PPP2R2B: variants seen among roughly 807,000 people sequenced by gnomAD.
PPP2R2B encodes the protein protein phosphatase 2 regulatory subunit Bbeta, also known as serine/threonine-protein phosphatase 2A 55 kDa regulatory subunit B beta isoform.
A neutral mutation model predicts 46.0 loss-of-function variants in PPP2R2B; 5 were observed. That is an observed-to-expected ratio of 0.11 (90% confidence interval 0.06 to 0.23). PPP2R2B has a LOEUF of 0.23. PPP2R2B is among the 10% of genes least tolerant of loss of function. The pLI is 1.00. For synonymous variants in PPP2R2B, 215 were observed against 206.7 expected, an observed-to-expected ratio of 1.04 and a Z score of -0.34; for missense variants, 367 against 575.0, an observed-to-expected ratio of 0.64 and a Z score of 3.70.
intron 7 of PPP2R2B, among the ~76,000 whole-genome samples, chr5:146,635,646 G>A (rs1317427503): frequency 6.6e-6 from 1 of 152,220 alleles, no homozygotes; most frequent in Non-Finnish European, 1.5e-5. Context: ...ACTCACTAGA[G>A]AGGCCCTGCC....
At chr5:146,802,823 C>G (rs186429651) in intron 2 of PPP2R2B, among the ~76,000 whole-genome samples, 2 of 152,208 alleles carry the variant, frequency 1.3e-5, no homozygotes, top group African/African-American at 4.8e-5. Context: ...AACTTGTGCC[C>G]CAAGGCTCAG....
intron 2 of PPP2R2B, among the ~76,000 whole-genome samples, chr5:146,739,720 C>T (rs1752752440): frequency 6.6e-6 from 1 of 152,220 alleles, no homozygotes; most frequent in South Asian, 2.1e-4. Flanking sequence ...GTACTTCTCA[C>T]ATTCCATGAT....
At chr5:147,053,964 G>A (rs924148414) in intron 1 of PPP2R2B, among the ~76,000 whole-genome samples, 1 of 152,144 alleles carries the variant, frequency 6.6e-6, no homozygotes, top group Admixed American at 6.5e-5. Flanking sequence ...CTTACCCATT[G>A]TCTTTATTAG....
intron 5 of PPP2R2B, among the ~76,000 whole-genome samples, chr5:146,663,566 A>AT (rs1266152698): frequency 6.6e-6 from 1 of 152,162 alleles, no homozygotes; most frequent in African/African-American, 2.4e-5. Context: ...AGTTGGACAA[A>AT]TTTTTTTGGT....
intron 1 of PPP2R2B, among the ~76,000 whole-genome samples, chr5:146,969,896 G>A (rs184762477): frequency 6.6e-6 from 1 of 152,336 alleles, no homozygotes; most frequent in African/African-American, 2.4e-5. Context: ...TGTCCAAGTG[G>A]AGATATCCAC....
intron 7 of PPP2R2B, among the ~76,000 whole-genome samples, chr5:146,624,259 CT>C (rs1773895368): frequency 6.6e-6 from 1 of 152,084 alleles, no homozygotes; most frequent in South Asian, 2.1e-4. Flanking sequence ...CATTTTATGC[CT>C]TTTTAAAAAC....
intron 7 of PPP2R2B, among the ~76,000 whole-genome samples, chr5:146,629,029 C>A (rs1044754424): frequency 6.6e-5 from 10 of 152,156 alleles, no homozygotes; most frequent in African/African-American, 2.4e-4. Flanking sequence ...CATTCCTGGG[C>A]CCTCAGTTAT....
At chr5:146,661,875 A>G (rs1776696535) in intron 5 of PPP2R2B, among the ~76,000 whole-genome samples, 1 of 152,102 alleles carries the variant, frequency 6.6e-6, no homozygotes. Flanking sequence ...ACATTGTGTA[A>G]TGCCACAAGA....
At chr5:146,675,778 G>A (rs935316776) in intron 5 of PPP2R2B, among the ~76,000 whole-genome samples, 8 of 152,006 alleles carry the variant, frequency 5.3e-5, no homozygotes, top group African/African-American at 1.9e-4. Flanking sequence ...GAAAGCAGCA[G>A]CTCTTTTTTA....
intron 2 of PPP2R2B, among the ~76,000 whole-genome samples, chr5:146,718,342 C>A (rs536331473): frequency 6.6e-6 from 1 of 151,558 alleles, no homozygotes; most frequent in African/African-American, 2.4e-5. Context: ...GAGCTGTGAT[C>A]GCACCACTGT....
In PPP2R2B at chr5:146,582,841, C is replaced by T. The variant is rs1292616289; in HGVS notation, c.*7106G>A. ...TTGAGCTGAGTTTATCAGTATATCC[C>T]CTGTGGCTGGACTATAAGTATTTGC... On this transcript the variant is annotated 3_prime_UTR_variant, in exon 10 of 10. Transcript: ENST00000394411. 2.6e-5 allele frequency: 4 copies of T among 152,140 alleles called. No individual in the cohort carries two copies. The highest frequency in any genetic ancestry group is 5.9e-5 in the Non-Finnish European group (4 of 68,050). 9.4% of individuals were successfully genotyped at this position (152,140 alleles called of 1,614,324 possible).
chr5:146,711,973 C>T (rs1049863366), intron 2 of PPP2R2B, among the ~76,000 whole-genome samples: 5 of 152,072 alleles, frequency 3.3e-5, no homozygotes, highest in African/African-American at 1.2e-4. Flanking sequence ...TTTTATTTCT[C>T]TAAAGGACAA....
intron 7 of PPP2R2B, among the ~76,000 whole-genome samples, chr5:146,636,519 T>C (rs1316259566): frequency 6.6e-6 from 1 of 152,206 alleles, no homozygotes; most frequent in Non-Finnish European, 1.5e-5. Flanking sequence ...TGGGCTGTTT[T>C]GCCTTTGCTG....
chr5:147,023,269 CA>C (rs1755372566), intron 1 of PPP2R2B, among the ~76,000 whole-genome samples: 1 of 151,872 alleles, frequency 6.6e-6, no homozygotes, highest in Non-Finnish European at 1.5e-5. Flanking sequence ...AAAACCAAAA[CA>C]AAGAGGTATA....
intron 2 of PPP2R2B, among the ~76,000 whole-genome samples, chr5:146,744,551 C>T (rs192666321): frequency 6.6e-6 from 1 of 152,316 alleles, no homozygotes; most frequent in Admixed American, 6.5e-5. Flanking sequence ...TGAAATTCCA[C>T]TCCTACCCTC....
At chr5:146,662,371 T>C (rs928085645) in intron 5 of PPP2R2B, among the ~76,000 whole-genome samples, 1 of 152,204 alleles carries the variant, frequency 6.6e-6, no homozygotes, top group African/African-American at 2.4e-5. Flanking sequence ...AGCAACACTT[T>C]GATTTAGAAA....
intron 1 of PPP2R2B, among the ~76,000 whole-genome samples, chr5:146,945,555 C>A (rs972133281): frequency 6.6e-6 from 1 of 152,150 alleles, no homozygotes; most frequent in Non-Finnish European, 1.5e-5. Flanking sequence ...CTTTTCGTAA[C>A]AAGAAGCTAA....
At chr5:146,971,760 T>C (rs1018616392) in intron 1 of PPP2R2B, among the ~76,000 whole-genome samples, 1 of 152,208 alleles carries the variant, frequency 6.6e-6, no homozygotes, top group African/African-American at 2.4e-5. Flanking sequence ...TATCAAACTT[T>C]TTATGTTTGT....
At chr5:146,836,578 G>A (rs904439131) in intron 2 of PPP2R2B, among the ~76,000 whole-genome samples, 1 of 152,120 alleles carries the variant, frequency 6.6e-6, no homozygotes. Context: ...CTCTGTGTCT[G>A]GACTCACCTT....
Sources: gnomAD v4.1 joint callset for allele counts (sites outside exome capture counted in the v4.1 genomes callset) on GRCh38, gnomAD v4.1.1 for gene constraint, MANE v1.5 for transcripts, NCBI Gene and HGNC (gene_info 2026-07-23, HGNC 2026-07-21) for gene names.